Variants in STARD13 observed in about 807,000 individuals in gnomAD.
STARD13 encodes the protein StAR related lipid transfer domain containing 13, also known as stAR-related lipid transfer protein 13.
Under a neutral mutation model 106.4 loss-of-function variants are expected in STARD13, and 62 were observed. The observed-to-expected ratio is 0.58, with a 90% CI of 0.48 to 0.72. The LOEUF (loss-of-function observed/expected upper bound fraction) is 0.72. STARD13 is among the 30% of genes least tolerant of loss of function. STARD13 has a pLI of 0.00. For synonymous variants in STARD13, 565 were observed against 553.0 expected (o/e 1.02, Z -0.31); for missense variants, 1,387 against 1,424.0 (o/e 0.97, Z 0.42).
chr13:33,529,544 G>C, the STARD13 span, among the ~76,000 whole-genome samples: 3 of 152,010 alleles, frequency 2.0e-5, no homozygotes, highest in Non-Finnish European at 4.4e-5. Flanking sequence ...GTTGTCCCAG[G>C]ACTGAGGAAA....
chr13:33,612,455 G>A, the STARD13 span, among the ~76,000 whole-genome samples: 6 of 151,952 alleles, frequency 3.9e-5, no homozygotes, highest in Non-Finnish European at 7.4e-5. Flanking sequence ...CATCAGACAC[G>A]GTGATCCACA....
intron 3 of STARD13, among the ~76,000 whole-genome samples, chr13:33,145,944 G>A (rs561497599): frequency 6.6e-6 from 1 of 152,278 alleles, no homozygotes; most frequent in Non-Finnish European, 1.5e-5. Flanking sequence ...CAGAACTTTG[G>A]GAGGCCAAGG....
intron 1 of STARD13, among the ~76,000 whole-genome samples, chr13:33,189,188 C>A (rs1886023458): frequency 6.6e-6 from 1 of 151,802 alleles, no homozygotes; most frequent in Non-Finnish European, 1.5e-5. Context: ...TTTTTTATTA[C>A]TTTAATATTT....
At chr13:33,131,125 G>C (rs1878227566) in intron 4 of STARD13, among the ~76,000 whole-genome samples, 1 of 152,204 alleles carries the variant, frequency 6.6e-6, no homozygotes, top group Admixed American at 6.5e-5. Context: ...CCTGAGGCCA[G>C]AGATGGCCTG....
chr13:33,201,232 C>T (rs560238056), intron 1 of STARD13, among the ~76,000 whole-genome samples: 40 of 152,180 alleles, frequency 2.6e-4, no homozygotes, highest in African/African-American at 9.4e-4. Context: ...AGTGGGGATG[C>T]ACTTTAAGTA....
At chr13:33,518,750 C>T in the STARD13 span, among the ~76,000 whole-genome samples, 261 of 152,228 alleles carry the variant, frequency 1.7e-3, 1 homozygote, top group African/African-American at 4.4e-3. Flanking sequence ...AACTTCAAGA[C>T]GCTGATATTT....
At chr13:33,352,617 A>C (rs910216278), upstream of STARD13, among the ~76,000 whole-genome samples, 5 of 152,232 alleles carry the variant, frequency 3.3e-5, no homozygotes, top group African/African-American at 1.2e-4. Flanking sequence ...CCATGAATTG[A>C]GGACTGTCCA....
the STARD13 span, among the ~76,000 whole-genome samples, chr13:33,456,180 A>ATTTTC: frequency 4.0e-3 from 605 of 151,874 alleles, 1 homozygote; most frequent in African/African-American, 0.012. Flanking sequence ...AAACGACAGA[A>ATTTTC]TTTTCTTTTC....
At chr13:33,493,338 AAT>A in the STARD13 span, among the ~76,000 whole-genome samples, 1 of 152,194 alleles carries the variant, frequency 6.6e-6, no homozygotes, top group Non-Finnish European at 1.5e-5. Flanking sequence ...AAAGTCCCAG[AAT>A]GAACACAGAA....
intron 1 of STARD13, among the ~76,000 whole-genome samples, chr13:33,337,888 G>A (rs2077914738): frequency 6.6e-6 from 1 of 152,182 alleles, no homozygotes; most frequent in Non-Finnish European, 1.5e-5. Flanking sequence ...ATTTCAAGAT[G>A]GTAACAGCAG....
intron 1 of STARD13, among the ~76,000 whole-genome samples, chr13:33,282,829 C>G (rs1891862729): frequency 6.6e-6 from 1 of 152,064 alleles, no homozygotes; most frequent in Non-Finnish European, 1.5e-5. Context: ...GAGTTTGAGA[C>G]CAGCCTGCGC....
chr13:33,645,580 A>G, the STARD13 span, among the ~76,000 whole-genome samples: 1 of 152,248 alleles, frequency 6.6e-6, no homozygotes, highest in Non-Finnish European at 1.5e-5. Context: ...AGGGCAGCAC[A>G]TTCACATAAC....
At chr13:33,204,500 A>G (rs1345055733) in intron 1 of STARD13, among the ~76,000 whole-genome samples, 1 of 152,214 alleles carries the variant, frequency 6.6e-6, no homozygotes, top group Non-Finnish European at 1.5e-5. Context: ...AAGAAAAGAC[A>G]TAAATGTGTC....
chr13:33,574,493 T>C, the STARD13 span, among the ~76,000 whole-genome samples: 30 of 152,316 alleles, frequency 2.0e-4, no homozygotes, highest in African/African-American at 6.0e-4. Flanking sequence ...CCTAACACTT[T>C]GGGAGGCCCA....
the STARD13 span, among the ~76,000 whole-genome samples, chr13:33,539,564 T>C: frequency 1.3e-5 from 2 of 152,326 alleles, no homozygotes; most frequent in African/African-American, 4.8e-5. Context: ...TGAAATTGAA[T>C]AGAATAGAAA....
chr13:33,273,317 G>T (rs1296460626), intron 1 of STARD13, among the ~76,000 whole-genome samples: 1 of 152,172 alleles, frequency 6.6e-6, no homozygotes, highest in East Asian at 1.9e-4. Flanking sequence ...GTTTTTCAGG[G>T]TTTCCAAGAT....
the STARD13 span, among the ~76,000 whole-genome samples, chr13:33,500,189 AG>A: frequency 6.5e-4 from 99 of 152,288 alleles, no homozygotes; most frequent in Middle Eastern, 3.4e-3. Flanking sequence ...TTTGGGAAGG[AG>A]GGACACGAAC....
chr13:33,648,758 G>T, the STARD13 span, among the ~76,000 whole-genome samples: 1 of 135,280 alleles, frequency 7.4e-6, no homozygotes, highest in Non-Finnish European at 1.6e-5. Context: ...TAGTTTTTAT[G>T]ATGCTCTTTT....
chr13:33,167,661 G>A, intron 1 of STARD13, 39 bp from the exon 2 acceptor site: 5 of 1,578,052 alleles, frequency 3.2e-6, no homozygotes, highest in Non-Finnish European at 4.4e-6. Context: ...GAGTCCCACA[G>A]CCGCACCCTA....
Sources: allele counts gnomAD v4.1 joint callset (sites outside exome capture counted in the v4.1 genomes callset), GRCh38; gene constraint gnomAD v4.1.1; transcripts MANE v1.5; gene names NCBI Gene and HGNC (gene_info 2026-07-23, HGNC 2026-07-21).